Variants in ELAC2 observed in about 807,000 individuals in gnomAD.
The protein encoded by ELAC2 is zinc phosphodiesterase ELAC protein 2.
In ELAC2, 92 loss-of-function variants were observed where a neutral mutation model predicts 105.2. That is an observed-to-expected ratio of 0.87 (90% CI 0.74 to 1.04). ELAC2 has a LOEUF of 1.04. Ranked by LOEUF, ELAC2 falls within the 50% of genes least tolerant of loss-of-function variation. The pLI is 0.00. For synonymous variants in ELAC2, 468 were observed against 409.1 expected, an observed-to-expected ratio of 1.14 and a Z score of -1.74; for missense variants, 1,099 against 1,071.7, an observed-to-expected ratio of 1.03 and a Z score of -0.36.
At chr17:13,000,451 G>A (rs2040725361) in intron 14 of ELAC2, 177 bp from the exon 15 acceptor site, 1 of 668,516 alleles carries the variant, frequency 1.5e-6, no homozygotes, top group Admixed American at 2.1e-5. Context: ...CCTTTTGGAT[G>A]CTGCATCGCT....
rs968535352 is a variant in ELAC2, at chr17:13,005,770, T to A, written c.853A>T (p.Thr285Ser). The A allele has an allele frequency of 6.2e-7, 1 of 1,613,974 alleles. No individual in the cohort carries two copies. Among genetic ancestry groups the A allele is most frequent in the African/African-American group, 1.3e-5 (1 of 74,882 alleles). Residue 285 changes from threonine (T) to serine (S), a missense_variant, in exon 10 of 24, where the codon ACT becomes TCT. Transcript: ENST00000338034. ...IAAVKDGKSI[T>S]HEGREILAEE... Reference sequence around the variant, plus strand: ...CATCTCACCTCTCTTCCTTCATGAGTGATGCTTTTCCCGTCCTTGACAGCA... The same window carrying A: ...CATCTCACCTCTCTTCCTTCATGAGAGATGCTTTTCCCGTCCTTGACAGCA...
rs761748475 is a variant in ELAC2, at chr17:13,005,910, C to G, written c.797+11G>C. 2.5e-6 allele frequency: 4 copies of G among 1,614,042 alleles called. No homozygotes were observed. The African/African-American group carries it at 5.3e-5, about 22-fold the overall frequency. ...CAGTGAGTCCCCAGAAGCCTTACCC[C>G]CCACACTCACACTGGGAGGCCCATC... On this transcript the variant is annotated intron_variant, in intron 9 of 23. Coordinates refer to ENST00000338034, the MANE Select transcript of ELAC2 (RefSeq NM_018127.7).
At chr17:13,009,552 T>C (rs2143648898) in intron 8 of ELAC2, among the ~76,000 whole-genome samples, 1 of 152,330 alleles carries the variant, frequency 6.6e-6, no homozygotes, top group South Asian at 2.1e-4. Flanking sequence ...TAATCTGGTG[T>C]TAGACCTTAG....
At chr17:12,996,261 G>A (rs1002533152) in intron 17 of ELAC2, 13 of 630,128 alleles carry the variant, frequency 2.1e-5, no homozygotes, top group African/African-American at 3.7e-5. Context: ...TCCTGCATCC[G>A]GTCAAAGCTT....
chr17:13,016,132 T>C (rs1421888233), intron 3 of ELAC2, among the ~76,000 whole-genome samples: 1 of 152,228 alleles, frequency 6.6e-6, no homozygotes, highest in Non-Finnish European at 1.5e-5. Flanking sequence ...TGCCTCACCC[T>C]AGTCTCAGCC....
chr17:13,001,941 A>T (rs2040831815), intron 14 of ELAC2, among the ~76,000 whole-genome samples: 1 of 152,146 alleles, frequency 6.6e-6, no homozygotes. Context: ...TTCATCACAC[A>T]TTTCCTATTT....
At chr17:13,007,574 C>T (rs181844607) in intron 8 of ELAC2, among the ~76,000 whole-genome samples, 25 of 152,308 alleles carry the variant, frequency 1.6e-4, no homozygotes, top group Admixed American at 1.6e-3. Context: ...CTAAATGTCT[C>T]TAATGTTTAA....
rs1183971363 is a variant in ELAC2, at chr17:13,005,916, C to T, written c.797+5G>A. On this transcript the variant is annotated splice_donor_5th_base_variant and intron_variant, in intron 9 of 23. Coordinates refer to ENST00000338034, the MANE Select transcript of ELAC2 (RefSeq NM_018127.7). ...GTCCCCAGAAGCCTTACCCCCCACA[C>T]TCACACTGGGAGGCCCATCTCCTTT... The T allele has an allele frequency of 6.2e-7, 1 of 1,614,210 alleles. No homozygotes were observed. Among genetic ancestry groups the T allele is most frequent in the Non-Finnish European group, 8.5e-7 (1 of 1,180,048 alleles).
intron 8 of ELAC2, chr17:13,006,496 C>A: frequency 6.0e-6 from 1 of 165,936 alleles, no homozygotes; most frequent in South Asian, 1.5e-4. Flanking sequence ...GTACTAAAAG[C>A]CAAAATGACT....
intron 22 of ELAC2, 77 bp downstream of exon 22, chr17:12,994,348 C>CA: frequency 9.7e-6 from 15 of 1,540,392 alleles, no homozygotes; most frequent in Non-Finnish European, 1.3e-5. Flanking sequence ...TCAGTGGAGA[C>CA]AAACGACGGC....
At chr17:13,014,613 T>C (rs2041621284) in intron 4 of ELAC2, 117 bp from the exon 5 acceptor site, 1 of 794,980 alleles carries the variant, frequency 1.3e-6, no homozygotes, top group Non-Finnish European at 2.2e-6. Context: ...TTAGTAAATA[T>C]TTTGAACATC....
intron 8 of ELAC2, 90 bp downstream of exon 8, chr17:13,010,523 T>C (rs2041359395): frequency 8.5e-7 from 1 of 1,181,810 alleles, no homozygotes; most frequent in Admixed American, 1.8e-5. Context: ...GTAACAGGAG[T>C]GCCTACCCTC....
rs779121689 is a variant in ELAC2, at chr17:13,017,054, G to A, written c.296+17C>T. On this transcript the variant is annotated intron_variant, in intron 2 of 23. Coordinates refer to ENST00000338034, the MANE Select transcript of ELAC2 (RefSeq NM_018127.7). ...CCCGTAATCAACTCCCCCTCCGAAA[G>A]CAAGAGACTGACTCACTTGTGCTCC... 3 of 1,614,028 alleles carry A rather than the reference G, an allele frequency of 1.9e-6. No homozygotes were observed. Among genetic ancestry groups the A allele is most frequent in the South Asian group, 1.1e-5 (1 of 91,080 alleles).
rs148869775 is a variant in ELAC2, at chr17:12,994,698, G to A, written c.2029+66C>T. 3.1e-6 allele frequency: 5 copies of A among 1,612,292 alleles called. No individual in the cohort carries two copies. In the East Asian group the frequency reaches 8.9e-5, roughly 29 times the overall value. ...CTGACGTTTCCCTGCAAGCCCACCT[G>A]CATTCACCTCCAGCTACACAAACCC... On this transcript the variant is annotated intron_variant, in intron 21 of 23. Transcript: ENST00000338034.
At chr17:13,006,166 T>A in intron 8 of ELAC2, 187 bp from the exon 9 acceptor site, 1 of 645,400 alleles carries the variant, frequency 1.5e-6, no homozygotes, top group Non-Finnish European at 2.8e-6. Flanking sequence ...AGGTCAGGAG[T>A]TTGAGACCAG....
chr17:12,999,589 G>GT (rs879685650), intron 15 of ELAC2, among the ~76,000 whole-genome samples: 2 of 152,250 alleles, frequency 1.3e-5, no homozygotes, highest in Admixed American at 6.5e-5. Flanking sequence ...GTTTCACTCA[G>GT]TGCGTGCCTT....
intron 17 of ELAC2, 185 bp from the exon 18 acceptor site, chr17:12,996,163 G>T: frequency 2.7e-6 from 2 of 738,680 alleles, no homozygotes; most frequent in South Asian, 3.2e-5. Flanking sequence ...GTCACAGGCA[G>T]AAAGCGACAC....
intron 3 of ELAC2, among the ~76,000 whole-genome samples, chr17:13,016,280 G>A (rs2041716859): frequency 6.6e-6 from 1 of 152,236 alleles, no homozygotes; most frequent in South Asian, 2.1e-4. Context: ...GGGTATGTGT[G>A]TGGCTGCCAA....
rs1205857572 is a variant in ELAC2, at chr17:13,016,736, C to T, written c.367+126G>A. ...CAAAGGTTGCAGTGAGCCAAGATCA[C>T]GCCACTGACAAAAAAAAAAAAAAAA... On this transcript the variant is annotated intron_variant, in intron 3 of 23. Transcript: ENST00000338034. The T allele has an allele frequency of 1.2e-5, 11 of 915,594 alleles. No homozygotes were observed. In the African/African-American group the frequency reaches 1.3e-4, roughly 11 times the overall value. The allele number at this position is 915,594 out of a possible 1,614,324, so 56.7% of individuals were successfully genotyped here. A position where few individuals can be genotyped will look rare whatever the true frequency, so the allele number is the denominator to read the frequency against.
Sources: gnomAD v4.1 joint callset for allele counts (sites outside exome capture counted in the v4.1 genomes callset) on GRCh38, gnomAD v4.1.1 for gene constraint, MANE v1.5 for transcripts, NCBI Gene and HGNC (gene_info 2026-07-23, HGNC 2026-07-21) for gene names.